Variants in DPP10 observed in about 807,000 individuals in gnomAD.
DPP10 encodes inactive dipeptidyl peptidase 10.
DPP10 carries 33 observed loss-of-function variants against 120.9 expected under a neutral mutation model. The observed-to-expected ratio is 0.27, with a 90% CI of 0.21 to 0.37. The LOEUF (loss-of-function observed/expected upper bound fraction) is 0.37, where lower values mean the gene tolerates loss of function less well. Ranked by LOEUF, DPP10 falls within the 10% of genes least tolerant of loss-of-function variation. DPP10 has a pLI of 1.00. For missense variants in DPP10, 816 were observed against 942.8 expected (o/e 0.87, Z 1.76); for synonymous variants, 337 against 326.1 (o/e 1.03, Z -0.36).
chr2:115,081,906 G>C (rs1421479666), intron 1 of DPP10, among the ~76,000 whole-genome samples: 6 of 152,118 alleles, frequency 3.9e-5, no homozygotes, highest in Non-Finnish European at 7.3e-5. Flanking sequence ...GGTGAATTCT[G>C]CATTAGATTT....
intron 7 of DPP10, among the ~76,000 whole-genome samples, chr2:115,719,857 C>G (rs557113591): frequency 6.6e-6 from 1 of 152,234 alleles, no homozygotes; most frequent in African/African-American, 2.4e-5. Context: ...AGTGCAGAAA[C>G]AAAACATCGT....
intron 5 of DPP10, among the ~76,000 whole-genome samples, chr2:115,659,513 G>C (rs1056734040): frequency 6.6e-6 from 1 of 151,992 alleles, no homozygotes; most frequent in Non-Finnish European, 1.5e-5. Flanking sequence ...AGTCTCTAAG[G>C]CTTCAAATAT....
At chr2:115,084,116 A>G (rs1307422854) in intron 1 of DPP10, among the ~76,000 whole-genome samples, 5 of 152,134 alleles carry the variant, frequency 3.3e-5, no homozygotes, top group Admixed American at 1.3e-4. Context: ...ATGAATCCCT[A>G]TTAATATACC....
At chr2:115,281,950 G>C (rs1254323045) in intron 1 of DPP10, among the ~76,000 whole-genome samples, 1 of 151,968 alleles carries the variant, frequency 6.6e-6, no homozygotes, top group Non-Finnish European at 1.5e-5. Flanking sequence ...TTTTACATAT[G>C]TACTTAAAAA....
intron 1 of DPP10, among the ~76,000 whole-genome samples, chr2:114,661,690 T>C (rs1697416137): frequency 6.6e-6 from 1 of 152,170 alleles, no homozygotes; most frequent in Admixed American, 6.5e-5. Flanking sequence ...CTTTAGCTGA[T>C]ACAACAAAAG....
At chr2:115,813,766 A>T (rs115232761) in intron 19 of DPP10, among the ~76,000 whole-genome samples, 1,967 of 152,254 alleles carry the variant, frequency 0.013, 45 homozygotes, top group African/African-American at 0.043. Context: ...TTGTTATTGG[A>T]GATGATTTGT....
chr2:115,808,254 A>G (rs1355865143), intron 19 of DPP10, among the ~76,000 whole-genome samples: 6 of 152,232 alleles, frequency 3.9e-5, no homozygotes, highest in Admixed American at 3.3e-4. Flanking sequence ...AGAATAATAA[A>G]GAGATTTTTA....
chr2:115,694,059 A>T (rs1169815548), intron 7 of DPP10, among the ~76,000 whole-genome samples: 3 of 152,154 alleles, frequency 2.0e-5, no homozygotes, highest in Non-Finnish European at 4.4e-5. Flanking sequence ...GTCATTTTTC[A>T]AACTCCTTTG....
intron 1 of DPP10, among the ~76,000 whole-genome samples, chr2:114,864,395 A>G (rs1464627774): frequency 6.6e-6 from 1 of 152,232 alleles, no homozygotes; most frequent in East Asian, 1.9e-4. Context: ...AGACAACAAT[A>G]TTAACAGCTC....
At chr2:114,772,790 G>A (rs904603116) in intron 1 of DPP10, among the ~76,000 whole-genome samples, 1 of 151,686 alleles carries the variant, frequency 6.6e-6, no homozygotes, top group Non-Finnish European at 1.5e-5. Flanking sequence ...ATTTTTTTAA[G>A]CACATGTTGA....
chr2:115,125,060 A>G (rs552502033), intron 1 of DPP10, among the ~76,000 whole-genome samples: 1 of 152,300 alleles, frequency 6.6e-6, no homozygotes, highest in East Asian at 1.9e-4. Context: ...TTGTTTCTCT[A>G]TCTACCATAA....
intron 21 of DPP10, among the ~76,000 whole-genome samples, chr2:115,819,225 T>G (rs957689302): frequency 6.6e-6 from 1 of 152,222 alleles, no homozygotes; most frequent in African/African-American, 2.4e-5. Flanking sequence ...TAAATTTATG[T>G]AACCAATAGA....
intron 3 of DPP10, among the ~76,000 whole-genome samples, chr2:115,446,825 CTG>C (rs1428733117): frequency 1.3e-5 from 2 of 152,196 alleles, no homozygotes; most frequent in African/African-American, 4.8e-5. Flanking sequence ...CCCCTTCCTT[CTG>C]TGCCTGAGCT....
chr2:115,809,263 G>A (rs1686363678), intron 19 of DPP10, among the ~76,000 whole-genome samples: 1 of 152,182 alleles, frequency 6.6e-6, no homozygotes, highest in Non-Finnish European at 1.5e-5. Context: ...GGATCTATGT[G>A]TACATACTGC....
intron 1 of DPP10, among the ~76,000 whole-genome samples, chr2:114,673,365 A>G (rs1698471242): frequency 6.6e-6 from 1 of 152,114 alleles, no homozygotes; most frequent in South Asian, 2.1e-4. Context: ...GAAGCCATGT[A>G]TTTCCTACTC....
chr2:114,744,663 G>A (rs964606093), intron 1 of DPP10, among the ~76,000 whole-genome samples: 2 of 152,204 alleles, frequency 1.3e-5, no homozygotes, highest in Non-Finnish European at 2.9e-5. Flanking sequence ...ATGACCTGGT[G>A]GAATCTTGGT....
chr2:115,377,309 T>C (rs1283306227), intron 3 of DPP10, among the ~76,000 whole-genome samples: 1 of 152,106 alleles, frequency 6.6e-6, no homozygotes, highest in East Asian at 1.9e-4. Context: ...CCAGTGATGG[T>C]GAGCATTTTT....
chr2:114,457,471 C>A (rs1339489329), intron 1 of DPP10, among the ~76,000 whole-genome samples: 6 of 152,184 alleles, frequency 3.9e-5, no homozygotes, highest in Non-Finnish European at 7.3e-5. Context: ...AGGAGTAGGT[C>A]TGGGTCATTC....
At chr2:114,985,272 C>G (rs1558955231) in intron 1 of DPP10, among the ~76,000 whole-genome samples, 2 of 152,104 alleles carry the variant, frequency 1.3e-5, no homozygotes. Context: ...AAATGCCTGG[C>G]TCAGTCTCAC....
Sources: gnomAD v4.1 joint callset for allele counts (sites outside exome capture counted in the v4.1 genomes callset) on GRCh38, gnomAD v4.1.1 for gene constraint, MANE v1.5 for transcripts, NCBI Gene and HGNC (gene_info 2026-07-23, HGNC 2026-07-21) for gene names.